The following CACNA1E variants were observed in gnomAD, a reference collection of about 807,000 sequenced individuals.
CACNA1E encodes voltage-dependent R-type calcium channel subunit alpha-1E.
CACNA1E carries 40 observed loss-of-function variants against 259.2 expected under a neutral mutation model. The observed-to-expected ratio is 0.15, with a 90% confidence interval of 0.12 to 0.20. The LOEUF (loss-of-function observed/expected upper bound fraction) is 0.20, where lower values mean the gene tolerates loss of function less well. Among genes scored for constraint, CACNA1E ranks in the 10% least tolerant of loss-of-function variants. The probability of loss-of-function intolerance (pLI) is 1.00; values close to 1 mark genes in which losing one functional copy is unlikely to be tolerated. For synonymous variants in CACNA1E, 1,104 were observed against 1,138.5 expected, an observed-to-expected ratio of 0.97 and a Z score of 0.61; for missense variants, 1,874 against 3,040.1, an observed-to-expected ratio of 0.62 and a Z score of 9.02.
intron 1 of CACNA1E, among the ~76,000 whole-genome samples, chr1:181,367,643 AT>A (rs2101942594): frequency 6.7e-6 from 1 of 149,108 alleles, no homozygotes; most frequent in Admixed American, 6.7e-5. Context: ...ATAACAAATT[AT>A]TACTAATGAA....
rs1357386518 is a variant in CACNA1E, at chr1:181,483,885, G to T, written c.141G>T (p.Ala47=). 5 of 1,613,626 alleles carry T rather than the reference G, an allele frequency of 3.1e-6. No homozygotes were observed. The Admixed American group carries it at 5.0e-5, about 16-fold the overall frequency. ...AAYKQTKAQR[A]RTMALYNPIP... Reference sequence around the variant, plus strand: ...ACAAGCAGACGAAAGCACAGAGGGCGCGGACTATGGCTTTGTACAACCCCA... The same window carrying T: ...ACAAGCAGACGAAAGCACAGAGGGCTCGGACTATGGCTTTGTACAACCCCA... Residue 47 remains alanine, a synonymous_variant, in exon 1 of 48, where the codon GCG becomes GCT. Coordinates refer to ENST00000367573, the MANE Select transcript of CACNA1E (RefSeq NM_001205293.3).
rs758820659 is a variant in CACNA1E, at chr1:181,732,485, A to C, written c.2399A>C (p.Glu800Ala). 1.3e-6 allele frequency: 2 copies of C among 1,551,366 alleles called. No homozygotes were observed. The highest frequency in any genetic ancestry group is 2.7e-5 in the African/African-American group (2 of 72,998). The change falls in exon 20 of 48, where the codon GAG becomes GCG. Residue 800 changes from glutamate to alanine, a missense_variant. Glu to Ala is a moderately radical substitution (Grantham distance 107, BLOSUM62 -1). Around this residue, in one of 14 missense-constraint regions of CACNA1E, gnomAD observed 476 missense variants for 514.0 expected, o/e 0.93. Transcript: ENST00000367573. The surrounding 1 kb of genome is among the most constrained non-coding windows in gnomAD (Gnocchi z 5.5). Reference sequence around the variant, plus strand: ...TCCAGCCAGGAGGCCCTCAACAGAGAGGAGGCGCCGACCATGAACCCGCTC... The same window carrying C: ...TCCAGCCAGGAGGCCCTCAACAGAGCGGAGGCGCCGACCATGAACCCGCTC... ...QMSSQEALNR[E>A]EAPTMNPLNP...
chr1:181,715,502 G>C, intron 9 of CACNA1E, 111 bp downstream of exon 9: 1 of 664,542 alleles, frequency 1.5e-6, no homozygotes, highest in Non-Finnish European at 2.7e-6. Context: ...TTCTGGGATT[G>C]GAAATGAGAG....
At chr1:181,725,757 G>T (rs1449761337) in intron 17 of CACNA1E, among the ~76,000 whole-genome samples, 1 of 152,240 alleles carries the variant, frequency 6.6e-6, no homozygotes, top group Non-Finnish European at 1.5e-5. Context: ...GCCATAGCCA[G>T]CTCCACTGAG....
intron 1 of CACNA1E, among the ~76,000 whole-genome samples, chr1:181,484,722 G>C (rs1479630576): frequency 2.0e-5 from 3 of 152,132 alleles, no homozygotes; most frequent in African/African-American, 7.2e-5. Flanking sequence ...TCCTGTCCTT[G>C]GTCCTTGGTT....
chr1:181,451,917 G>A (rs1373463658), intron 2 of CACNA1E, among the ~76,000 whole-genome samples: 1 of 152,154 alleles, frequency 6.6e-6, no homozygotes, highest in Non-Finnish European at 1.5e-5. Flanking sequence ...AGGACTAAAG[G>A]GAGTGCCAGA....
rs1430706600 is a variant in CACNA1E, at chr1:181,806,643, A to C, written c.*7809A>C. The C allele has an allele frequency of 1.3e-5, 2 of 152,202 alleles. No individual in the cohort carries two copies. The highest frequency in any genetic ancestry group is 2.4e-5 in the African/African-American group (1 of 41,448). 9.4% of individuals were successfully genotyped at this position (152,202 alleles called of 1,614,324 possible). On this transcript the variant is annotated 3_prime_UTR_variant, in exon 48 of 48. Transcript: ENST00000367573. ...TCCTAAAGCCACAGTTCAGCACTGCATGTTGACCAGGCGGATATCCTATAA... is the reference window on the plus strand; with the variant it reads ...TCCTAAAGCCACAGTTCAGCACTGCCTGTTGACCAGGCGGATATCCTATAA...
intron 2 of CACNA1E, among the ~76,000 whole-genome samples, chr1:181,430,110 A>G (rs1659612312): frequency 6.6e-6 from 1 of 152,194 alleles, no homozygotes; most frequent in Non-Finnish European, 1.5e-5. Context: ...AGGCAACTGG[A>G]ACATCTCTGA....
chr1:181,659,792 A>G (rs1203226079), intron 7 of CACNA1E, among the ~76,000 whole-genome samples: 1 of 152,164 alleles, frequency 6.6e-6, no homozygotes, highest in East Asian at 1.9e-4. Flanking sequence ...TTTGGAAATG[A>G]GAAGAGGGAG....
intron 1 of CACNA1E, among the ~76,000 whole-genome samples, chr1:181,348,159 A>T (rs7525999): frequency 0.15 from 23,000 of 150,842 alleles, 2,502 homozygotes; most frequent in African/African-American, 0.31. Context: ...AGCTCAGCAC[A>T]GAGCTATCCT....
intron 7 of CACNA1E, among the ~76,000 whole-genome samples, chr1:181,707,120 C>T (rs956011674): frequency 4.6e-5 from 7 of 152,110 alleles, no homozygotes; most frequent in South Asian, 2.1e-4. Context: ...GGCAGAGGGG[C>T]TGTAAGAGTT....
intron 3 of CACNA1E, among the ~76,000 whole-genome samples, chr1:181,563,600 C>G (rs1649531909): frequency 6.6e-6 from 1 of 152,092 alleles, no homozygotes; most frequent in African/African-American, 2.4e-5. Flanking sequence ...CTGGCTTGCT[C>G]AAGGATCATG....
intron 2 of CACNA1E, among the ~76,000 whole-genome samples, chr1:181,430,398 C>T (rs61812688): frequency 0.048 from 7,376 of 152,264 alleles, 290 homozygotes; most frequent in African/African-American, 0.1. Context: ...CCCCTCATCT[C>T]TGTAGCTGTT....
At chr1:181,531,048 T>C (rs1558093896) in intron 3 of CACNA1E, among the ~76,000 whole-genome samples, 2 of 152,236 alleles carry the variant, frequency 1.3e-5, no homozygotes, top group Non-Finnish European at 2.9e-5. Context: ...TACCATATAT[T>C]CTCCTAAGGA....
chr1:181,623,694 C>A (rs1411124951), intron 6 of CACNA1E, among the ~76,000 whole-genome samples: 1 of 152,154 alleles, frequency 6.6e-6, no homozygotes. Flanking sequence ...ATATTGTAGT[C>A]TATTAAGTGT....
intron 3 of CACNA1E, among the ~76,000 whole-genome samples, chr1:181,524,377 G>A (rs970683754): frequency 5.3e-5 from 8 of 152,314 alleles, no homozygotes; most frequent in African/African-American, 1.7e-4. Flanking sequence ...AATGTGACCC[G>A]TACAGAGCTT....
At chr1:181,591,655 A>G (rs1431895091) in intron 6 of CACNA1E, among the ~76,000 whole-genome samples, 2 of 152,100 alleles carry the variant, frequency 1.3e-5, no homozygotes, top group Non-Finnish European at 2.9e-5. Context: ...GTTTTATTTG[A>G]AAAAAGTGAT....
intron 25 of CACNA1E, among the ~76,000 whole-genome samples, chr1:181,740,940 TC>T (rs545011725): frequency 6.6e-6 from 1 of 152,206 alleles, no homozygotes; most frequent in Non-Finnish European, 1.5e-5. Flanking sequence ...CAGCTCCTCT[TC>T]CGTCTTCTTG....
chr1:181,601,381 C>A (rs758292942), intron 6 of CACNA1E, among the ~76,000 whole-genome samples: 5 of 152,182 alleles, frequency 3.3e-5, no homozygotes, highest in Non-Finnish European at 7.3e-5. Flanking sequence ...GGGATGCTCC[C>A]TTTCCAAACA....
Sources: gnomAD v4.1 joint callset for allele counts (sites outside exome capture counted in the v4.1 genomes callset) on GRCh38, gnomAD v4.1.1 for gene constraint, gnomAD v4.1.1 regional missense constraint, Gnocchi (gnomAD v3.1) non-coding constraint, MANE v1.5 for transcripts, NCBI Gene and HGNC (gene_info 2026-07-23, HGNC 2026-07-21) for gene names.